Variants in PRKCA observed in about 807,000 individuals in gnomAD.
PRKCA encodes the protein protein kinase C alpha type.
A neutral mutation model predicts 87.0 loss-of-function variants in PRKCA; 27 were observed. The ratio of observed to expected loss-of-function variants is 0.31; its 90% confidence interval spans 0.23 to 0.43. The LOEUF is 0.43. Among genes scored for constraint, PRKCA ranks in the 20% least tolerant of loss-of-function variants. The pLI is 1.00. For synonymous variants in PRKCA, 329 were observed against 311.1 expected (o/e 1.06, Z -0.61); for missense variants, 518 against 852.3 (o/e 0.61, Z 4.88).
At chr17:66,750,408 A>T (rs1017624785) in intron 13 of PRKCA, among the ~76,000 whole-genome samples, 14 of 152,200 alleles carry the variant, frequency 9.2e-5, no homozygotes, top group African/African-American at 3.4e-4. Context: ...TTAAAGAGCC[A>T]AAGCCAGGCT....
chr17:66,505,337 G>A (rs1916929206), intron 3 of PRKCA, among the ~76,000 whole-genome samples: 1 of 152,160 alleles, frequency 6.6e-6, no homozygotes, highest in Non-Finnish European at 1.5e-5. Context: ...ACAGGGAAGA[G>A]GGAGGGATGA....
At chr17:66,550,085 T>G (rs1254623120) in intron 3 of PRKCA, among the ~76,000 whole-genome samples, 4 of 152,170 alleles carry the variant, frequency 2.6e-5, no homozygotes, top group African/African-American at 9.7e-5. Context: ...TTTCATATAC[T>G]TCCCAGTGTC....
At chr17:66,759,938 A>C (rs1220718006) in intron 13 of PRKCA, among the ~76,000 whole-genome samples, 2 of 152,236 alleles carry the variant, frequency 1.3e-5, no homozygotes, top group African/African-American at 2.4e-5. Flanking sequence ...GCCAAACATG[A>C]TAGAACTGCA....
intron 13 of PRKCA, among the ~76,000 whole-genome samples, chr17:66,751,027 A>G (rs1206296546): frequency 2.6e-5 from 4 of 151,644 alleles, no homozygotes; most frequent in Admixed American, 1.3e-4. Flanking sequence ...TTAGATTTTT[A>G]CTCCTGGTAT....
intron 3 of PRKCA, among the ~76,000 whole-genome samples, chr17:66,622,644 G>A (rs540864253): frequency 2.6e-5 from 4 of 152,242 alleles, no homozygotes; most frequent in African/African-American, 4.8e-5. Flanking sequence ...CCATTTTCAC[G>A]CTGCTGATAA....
At chr17:66,673,630 C>T (rs1316486727) in intron 5 of PRKCA, among the ~76,000 whole-genome samples, 1 of 152,200 alleles carries the variant, frequency 6.6e-6, no homozygotes, top group African/African-American at 2.4e-5. Flanking sequence ...ACGGTGTCAG[C>T]AGACTTGATA....
At chr17:66,397,953 C>T (rs1461566954) in intron 2 of PRKCA, 1 of 152,162 alleles carries the variant, frequency 6.6e-6, no homozygotes, top group African/African-American at 2.4e-5. Context: ...TATTTCCTTC[C>T]CCAAGGGAGC....
intron 2 of PRKCA, among the ~76,000 whole-genome samples, chr17:66,422,514 A>T (rs1020302004): frequency 6.6e-6 from 1 of 152,204 alleles, no homozygotes; most frequent in South Asian, 2.1e-4. Flanking sequence ...TGCCCTGAAG[A>T]CATGTTAGTT....
chr17:66,408,642 A>C (rs1244797095), intron 2 of PRKCA, among the ~76,000 whole-genome samples: 1 of 152,214 alleles, frequency 6.6e-6, no homozygotes, highest in Non-Finnish European at 1.5e-5. Context: ...TTTTTAGCAC[A>C]AATCTTCATT....
intron 13 of PRKCA, among the ~76,000 whole-genome samples, chr17:66,772,136 G>T (rs566751812): frequency 6.6e-6 from 1 of 152,250 alleles, no homozygotes; most frequent in East Asian, 1.9e-4. Context: ...GCAAAATTTT[G>T]TCTGGGAACT....
chr17:66,404,742 CTTTTT>C (rs773919783), intron 2 of PRKCA, among the ~76,000 whole-genome samples: 6 of 54,246 alleles, frequency 1.1e-4, no homozygotes, highest in Admixed American at 3.1e-4. Flanking sequence ...GATGGTAGGC[CTTTTT>C]TTTTTTTTTT....
intron 2 of PRKCA, among the ~76,000 whole-genome samples, chr17:66,428,771 C>T (rs1477615976): frequency 2.0e-5 from 3 of 151,960 alleles, no homozygotes; most frequent in East Asian, 3.9e-4. Flanking sequence ...CCCAAATTGC[C>T]GGGATTATAG....
At chr17:66,384,503 A>T (rs1370690630) in intron 2 of PRKCA, among the ~76,000 whole-genome samples, 2 of 152,142 alleles carry the variant, frequency 1.3e-5, no homozygotes, top group African/African-American at 4.8e-5. Context: ...GTTTTCTTAT[A>T]TTTTCATATC....
intron 2 of PRKCA, among the ~76,000 whole-genome samples, chr17:66,328,253 A>G (rs879224300): frequency 1.3e-5 from 2 of 151,884 alleles, no homozygotes; most frequent in Non-Finnish European, 2.9e-5. Flanking sequence ...GGGTCTCGCT[A>G]TGTTGTCCAG....
chr17:66,689,874 A>G lies in PRKCA; in HGVS notation c.918+827A>G, dbSNP rs1972732714. Among the ~76,000 whole-genome samples, 1 of 152,208 alleles carries G rather than the reference A, an allele frequency of 6.6e-6. No homozygotes were observed. Among genetic ancestry groups the G allele is most frequent in the Non-Finnish European group, 1.5e-5 (1 of 68,040 alleles). ...GTGTAACTGGTTAATTCCTTCGTGA[A>G]TCTTTCTCTTCTTCAGACTTGTTAG... On this transcript the variant is annotated intron_variant, in intron 8 of 16. Coordinates refer to ENST00000413366, the MANE Select transcript of PRKCA (RefSeq NM_002737.3). The surrounding 1 kb of genome is among the most constrained non-coding windows in gnomAD (Gnocchi z 4.1).
intron 5 of PRKCA, among the ~76,000 whole-genome samples, chr17:66,672,862 A>G (rs965040840): frequency 1.3e-5 from 2 of 152,202 alleles, no homozygotes; most frequent in Admixed American, 6.5e-5. Flanking sequence ...AAATATTTCA[A>G]TGTAGATAGA....
intron 8 of PRKCA, among the ~76,000 whole-genome samples, chr17:66,713,049 C>CTTTTT (rs564655403): frequency 0.042 from 4,419 of 104,238 alleles, 392 homozygotes; most frequent in African/African-American, 0.13. Context: ...CTTTGTTGTC[C>CTTTTT]TTTTTTTTTT....
intron 8 of PRKCA, among the ~76,000 whole-genome samples, chr17:66,711,693 T>G (rs930160724): frequency 3.9e-5 from 6 of 152,100 alleles, no homozygotes; most frequent in African/African-American, 1.4e-4. Flanking sequence ...ATTTAAACCC[T>G]CAAATGCTCG....
chr17:66,657,034 A>C (rs1971753015), intron 5 of PRKCA, among the ~76,000 whole-genome samples: 1 of 152,234 alleles, frequency 6.6e-6, no homozygotes, highest in Non-Finnish European at 1.5e-5. Flanking sequence ...ACATCAGACT[A>C]TGTGCATCTT....
Sources: gnomAD v4.1 joint callset for allele counts (sites outside exome capture counted in the v4.1 genomes callset) on GRCh38, gnomAD v4.1.1 for gene constraint, Gnocchi (gnomAD v3.1) non-coding constraint, MANE v1.5 for transcripts, NCBI Gene and HGNC (gene_info 2026-07-23, HGNC 2026-07-21) for gene names.